Variants in IFNG-AS1 observed in about 807,000 individuals in gnomAD.
IFNG-AS1 encodes the protein IFNG regulatory antisense RNA 1, also known as IFNG antisense RNA 1 (non-protein coding).
chr12:68,000,485 T>C (rs1879742666), intron 2 of IFNG-AS1, among the ~76,000 whole-genome samples: 1 of 151,976 alleles, frequency 6.6e-6, no homozygotes, highest in Admixed American at 6.5e-5. Context: ...CTGGACAACA[T>C]AGTGAGACCC....
chr12:68,012,271 C>T (rs924110731), intron 3 of IFNG-AS1, among the ~76,000 whole-genome samples: 1 of 152,142 alleles, frequency 6.6e-6, no homozygotes, highest in African/African-American at 2.4e-5. Context: ...CCGGCCAGGA[C>T]TGGAGAGATG....
At chr12:68,013,712 G>C (rs1341997290) in intron 3 of IFNG-AS1, 1 of 152,200 alleles carries the variant, frequency 6.6e-6, no homozygotes, top group Admixed American at 6.5e-5. Context: ...TTCATAGGTA[G>C]GCCTCATTCA....
At chr12:68,011,990 G>C (rs1413185717) in intron 3 of IFNG-AS1, among the ~76,000 whole-genome samples, 1 of 152,130 alleles carries the variant, frequency 6.6e-6, no homozygotes, top group African/African-American at 2.4e-5. Context: ...CTTTGAGTTG[G>C]GGAAGGTTTG....
intron 3 of IFNG-AS1, among the ~76,000 whole-genome samples, chr12:68,016,493 G>C (rs2120479013): frequency 6.6e-6 from 1 of 152,262 alleles, no homozygotes; most frequent in South Asian, 2.1e-4. Context: ...CGAGGTGTGT[G>C]ACATTGGGCA....
intron 3 of IFNG-AS1, among the ~76,000 whole-genome samples, chr12:68,009,696 C>T (rs1416879255): frequency 1.3e-5 from 2 of 152,076 alleles, no homozygotes; most frequent in African/African-American, 2.4e-5. Context: ...TTCTTGCTCT[C>T]ATAAAAGTTC....
rs145843401 is a variant in IFNG-AS1, at chr12:68,005,498, C to T, written n.185-592C>T. Among the ~76,000 whole-genome samples the T allele has an allele frequency of 7.2e-5, 11 of 152,310 alleles. No individual in the cohort carries two copies. The East Asian group carries it at 7.7e-4, about 11-fold the overall frequency. ...CTCAAACAGCAAAAAAACCCAAAAA[C>T]GAAACCAAATCAAAACAATGATCCT... is the stretch of plus-strand genomic sequence containing the variant. On this transcript the variant is annotated intron_variant and non_coding_transcript_variant, in intron 2 of 5. Transcript: ENST00000536914.
chr12:68,019,320 A>C (rs868716960), intron 3 of IFNG-AS1, among the ~76,000 whole-genome samples: 1 of 152,150 alleles, frequency 6.6e-6, no homozygotes, highest in African/African-American at 2.4e-5. Flanking sequence ...CGCATGTATC[A>C]ACTTATTGAA....
chr12:68,018,754 T>C (rs1383561226), intron 3 of IFNG-AS1, among the ~76,000 whole-genome samples: 3 of 148,502 alleles, frequency 2.0e-5, no homozygotes, highest in Non-Finnish European at 3.0e-5. Context: ...TTACTTTTTT[T>C]TTATTTTGTT....
chr12:68,013,546 A>G (rs941531471), intron 3 of IFNG-AS1: 2 of 152,186 alleles, frequency 1.3e-5, no homozygotes, highest in African/African-American at 4.8e-5. Context: ...AATGTGAAAA[A>G]CACTAAGTGG....
At chr12:68,012,529 G>A (rs766492644) in intron 3 of IFNG-AS1, among the ~76,000 whole-genome samples, 60 of 152,314 alleles carry the variant, frequency 3.9e-4, no homozygotes, top group African/African-American at 1.3e-3. Flanking sequence ...AGAGGAGCAC[G>A]TGCAACCAGC....
chr12:68,001,424 C>A (rs146812662), intron 2 of IFNG-AS1: 4,072 of 224,106 alleles, frequency 0.018, 42 homozygotes, highest in Non-Finnish European at 0.027. Flanking sequence ...TCTCCAATGT[C>A]TCCTCTTGGA....
intron 2 of IFNG-AS1, among the ~76,000 whole-genome samples, chr12:67,997,531 ATTT>A (rs893149440): frequency 6.6e-6 from 1 of 151,214 alleles, no homozygotes; most frequent in African/African-American, 2.4e-5. Context: ...GTAAAAAAAA[ATTT>A]TTTTTTAAAT....
At chr12:67,997,056 T>A (rs376068816) in intron 2 of IFNG-AS1, among the ~76,000 whole-genome samples, 1 of 152,046 alleles carries the variant, frequency 6.6e-6, no homozygotes, top group Non-Finnish European at 1.5e-5. Context: ...ATTTAGGAGA[T>A]GTAATAACAG....
At chr12:68,000,993 C>A (rs1364138190) in intron 2 of IFNG-AS1, among the ~76,000 whole-genome samples, 1 of 152,170 alleles carries the variant, frequency 6.6e-6, no homozygotes, top group Non-Finnish European at 1.5e-5. Context: ...GGCATCCTTA[C>A]TCTATAAAGG....
intron 3 of IFNG-AS1, among the ~76,000 whole-genome samples, chr12:68,007,124 C>T (rs1879923794): frequency 6.6e-6 from 1 of 152,222 alleles, no homozygotes; most frequent in Non-Finnish European, 1.5e-5. Context: ...TGTCCCAACA[C>T]CACCCCTCCT....
chr12:68,007,712 C>T (rs190201144), intron 3 of IFNG-AS1, among the ~76,000 whole-genome samples: 4 of 152,220 alleles, frequency 2.6e-5, no homozygotes, highest in African/African-American at 9.6e-5. Context: ...AATGCAAAAC[C>T]TCTATATTTA....
intron 2 of IFNG-AS1, among the ~76,000 whole-genome samples, chr12:67,998,822 A>G (rs1206413133): frequency 2.6e-5 from 4 of 152,176 alleles, no homozygotes; most frequent in Non-Finnish European, 4.4e-5. Flanking sequence ...TGTACATATT[A>G]TATACTCTAA....
intron 3 of IFNG-AS1, among the ~76,000 whole-genome samples, chr12:68,018,367 T>A (rs1880203875): frequency 6.6e-6 from 1 of 152,158 alleles, no homozygotes; most frequent in African/African-American, 2.4e-5. Context: ...AAAAGCATAA[T>A]ACTCTCAGGG....
chr12:67,997,495 C>G (rs1316222319), intron 2 of IFNG-AS1, among the ~76,000 whole-genome samples: 1 of 150,896 alleles, frequency 6.6e-6, no homozygotes, highest in Non-Finnish European at 1.5e-5. Context: ...CATAAAGACC[C>G]AATGAAAAAG....
Sources: gnomAD v4.1 joint callset for allele counts (sites outside exome capture counted in the v4.1 genomes callset) on GRCh38, gnomAD v4.1.1 for gene constraint, MANE v1.5 for transcripts, NCBI Gene and HGNC (gene_info 2026-07-23, HGNC 2026-07-21) for gene names.